The following TENT4A variants were observed in gnomAD, a reference collection of about 807,000 sequenced individuals.
TENT4A encodes the protein terminal nucleotidyltransferase 4A, also known as DNA polymerase kappa.
Under a neutral mutation model 72.8 loss-of-function variants are expected in TENT4A, and 7 were observed. The ratio of observed to expected loss-of-function variants is 0.10; its 90% CI spans 0.05 to 0.18. The LOEUF is 0.18. Among genes scored for constraint, TENT4A ranks in the 10% least tolerant of loss-of-function variants. The pLI, the probability that TENT4A is intolerant of heterozygous loss-of-function variation, is 1.00. For missense variants in TENT4A, 831 were observed against 1,017.7 expected (o/e 0.82, Z 2.50); for synonymous variants, 456 against 434.3 (o/e 1.05, Z -0.62).
chr5:6,728,384 G>C (rs1460182622), intron 1 of TENT4A, among the ~76,000 whole-genome samples: 1 of 152,254 alleles, frequency 6.6e-6, no homozygotes, highest in African/African-American at 2.4e-5. Flanking sequence ...GTGCCTCTGA[G>C]AGCTGGCATG....
chr5:6,714,038 C>T lies in TENT4A; in HGVS notation c.55C>T (p.Leu19=). ...CGAGCAGAAGGGGCCGGCCAATGCCCTGTGGATGCAGATCTGGGAGACCTC... is the reference window on the plus strand; with the variant it reads ...CGAGCAGAAGGGGCCGGCCAATGCCTTGTGGATGCAGATCTGGGAGACCTC... The part of the protein sequence containing the change: ...QPEQKGPANA[L]WMQIWETSQG... The change falls in exon 1 of 13, where the codon CTG becomes TTG. Residue 19 remains leucine (L), a synonymous_variant. Transcript: ENST00000230859. 1.0e-6 allele frequency: 1 copy of T among 990,214 alleles called. No homozygotes were observed. The highest frequency in any genetic ancestry group is 1.2e-6 in the Non-Finnish European group (1 of 833,990). 61.3% of individuals were successfully genotyped at this position (990,214 alleles called of 1,614,324 possible).
At chr5:6,731,542 C>CT (rs375328687) in intron 1 of TENT4A, among the ~76,000 whole-genome samples, 3,407 of 143,850 alleles carry the variant, frequency 0.024, 40 homozygotes, top group Non-Finnish European at 0.031. Context: ...GGTGCTGAAA[C>CT]TTTTTTTTTT....
chr5:6,750,585 C>T, intron 10 of TENT4A, 82 bp downstream of exon 10: 1 of 1,329,766 alleles, frequency 7.5e-7, no homozygotes, highest in Admixed American at 2.5e-5. Flanking sequence ...CTTAAAATCT[C>T]CCCCTTGGTT....
chr5:6,729,560 C>T (rs985503576), intron 1 of TENT4A, among the ~76,000 whole-genome samples: 5 of 152,242 alleles, frequency 3.3e-5, no homozygotes, highest in African/African-American at 7.2e-5. Context: ...GCGGTTCCCT[C>T]GGAGCACCCA....
intron 1 of TENT4A, among the ~76,000 whole-genome samples, chr5:6,735,908 G>A (rs918700850): frequency 5.3e-5 from 8 of 151,996 alleles, no homozygotes; most frequent in African/African-American, 1.7e-4. Flanking sequence ...CTACAAGCAT[G>A]TGCCACCACG....
In TENT4A at chr5:6,751,549, G is replaced by A. The variant is rs137881369; in HGVS notation, c.2019+352G>A. 75 of 211,698 alleles carry A rather than the reference G, an allele frequency of 3.5e-4. 1 individual carries two copies. Among genetic ancestry groups the A allele is most frequent in the African/African-American group, 1.4e-3 (64 of 44,186 alleles). The allele number at this position is 211,698 out of a possible 1,614,324, so 13.1% of individuals were successfully genotyped here. On this transcript the variant is annotated intron_variant, in intron 11 of 12. Coordinates refer to ENST00000230859, the MANE Select transcript of TENT4A (RefSeq NM_006999.6). ...GACCCACTTAGCTGGGCGCCAAGCC[G>A]TGCCAGACACTTGTCCCTACTTCCT...
In TENT4A at chr5:6,755,033, CGCACGTCAGCCGGGCTCGCG is replaced by C; in HGVS notation, c.*94_*113del. The C allele has an allele frequency of 3.3e-6, 4 of 1,220,332 alleles. No homozygotes were observed. Among genetic ancestry groups the C allele is most frequent in the Non-Finnish European group, 4.4e-6 (4 of 907,238 alleles). 75.6% of individuals were successfully genotyped at this position (1,220,332 alleles called of 1,614,324 possible). A position where few individuals can be genotyped will look rare whatever the true frequency, so the allele number is the denominator to read the frequency against. On this transcript the variant is annotated 3_prime_UTR_variant, in exon 13 of 13. Coordinates refer to ENST00000230859, the MANE Select transcript of TENT4A (RefSeq NM_006999.6). ...GGCAGGGGAACCGAGACCAGCACCC[CGCACGTCAGCCGGGCTCGCG>C]GCACGCCCGCCGCTGATCACTCTGC... is the stretch of plus-strand genomic sequence containing the variant.
At position 6,754,858 on chromosome 5, in the gene TENT4A, G is replaced by A. The variant is rs1235773741; in HGVS notation, c.2292G>A (p.Arg764=). The change falls in exon 13 of 13, where the codon AGG becomes AGA. Residue 764 remains arginine (R), a synonymous_variant. Transcript: ENST00000230859. ...SGGVRPPVGN[R]GHHQYNRTGW... is the part of the protein sequence containing the mutation. The stretch of plus-strand genomic sequence containing the variant: ...GTGTGCGGCCCCCTGTGGGCAACAG[G>A]GGACACCACCAGTATAACCGCACCG... 5 of 1,610,322 alleles carry A rather than the reference G, an allele frequency of 3.1e-6. No individual in the cohort carries two copies. In the South Asian group the frequency reaches 5.5e-5, roughly 18 times the overall value.
At chr5:6,723,263 A>G (rs1740748062) in intron 1 of TENT4A, among the ~76,000 whole-genome samples, 1 of 135,442 alleles carries the variant, frequency 7.4e-6, no homozygotes, top group Non-Finnish European at 1.6e-5. Flanking sequence ...ACATGGAGCA[A>G]CTGTTATGAC....
rs1455637212 is a variant in TENT4A at position 6,755,269 on chromosome 5, T to G, written c.*324T>G. The G allele has an allele frequency of 4.3e-6, 1 of 234,820 alleles. No homozygotes were observed. The highest frequency in any genetic ancestry group is 8.2e-6 in the Non-Finnish European group (1 of 121,678). 14.5% of individuals were successfully genotyped at this position (234,820 alleles called of 1,614,324 possible). ...GGTTTGAGGTAGCCGTGTCTGTTCCTTCGCGGTTTGCTATTTTCATTTCCT... is the reference window on the plus strand; with the variant it reads ...GGTTTGAGGTAGCCGTGTCTGTTCCGTCGCGGTTTGCTATTTTCATTTCCT... On this transcript the variant is annotated 3_prime_UTR_variant, in exon 13 of 13. Coordinates refer to ENST00000230859, the MANE Select transcript of TENT4A (RefSeq NM_006999.6).
chr5:6,745,509 A>C (rs1289599079), intron 6 of TENT4A, among the ~76,000 whole-genome samples: 1 of 152,186 alleles, frequency 6.6e-6, no homozygotes, highest in Non-Finnish European at 1.5e-5. Flanking sequence ...TGAGAGCAAC[A>C]AGCTGGATTT....
At chr5:6,723,345 G>C (rs1740753010) in intron 1 of TENT4A, among the ~76,000 whole-genome samples, 1 of 152,204 alleles carries the variant, frequency 6.6e-6, no homozygotes, top group African/African-American at 2.4e-5. Flanking sequence ...TGATGGTGCA[G>C]ACGGTCACTT....
chr5:6,755,760 G>A lies in TENT4A; in HGVS notation c.*815G>A, dbSNP rs1421620236. 6.6e-6 allele frequency: 1 copy of A among 152,270 alleles called. No individual in the cohort carries two copies. Among genetic ancestry groups the A allele is most frequent in the African/African-American group, 2.4e-5 (1 of 41,474 alleles). The allele number at this position is 152,270 out of a possible 1,614,324, so 9.4% of individuals were successfully genotyped here. A position where few individuals can be genotyped will look rare whatever the true frequency, so the allele number is the denominator to read the frequency against. ...CCCTGCTGTCGGGCCCCAGGCCGTT[G>A]TCCTGCTCTGACCACAGAGTTTTAA... On this transcript the variant is annotated 3_prime_UTR_variant, in exon 13 of 13. Transcript: ENST00000230859.
At chr5:6,748,215 G>A (rs974615401) in intron 7 of TENT4A, among the ~76,000 whole-genome samples, 3 of 152,246 alleles carry the variant, frequency 2.0e-5, no homozygotes, top group African/African-American at 4.8e-5. Context: ...GAGCACAGGG[G>A]CACTGATGAT....
rs140347546 is a variant in TENT4A at position 6,751,167 on chromosome 5, C to G, written c.1989C>G (p.Ser663=). 6.2e-7 allele frequency: 1 copy of G among 1,614,250 alleles called. No homozygotes were observed. ...GTGGCAAACCTCAGCCCACCACTTC[C>G]AGAACACTGATCATGACAACCAACA... ...MPSGKPQPTT[S]RTLIMTTNNQ... Residue 663 remains serine (S), a synonymous_variant, in exon 11 of 13, where the codon TCC becomes TCG. Transcript: ENST00000230859.
intron 1 of TENT4A, among the ~76,000 whole-genome samples, chr5:6,717,983 C>G (rs764943302): frequency 5.3e-5 from 8 of 152,232 alleles, no homozygotes; most frequent in Non-Finnish European, 1.0e-4. Flanking sequence ...TGAACGAGGA[C>G]ACATGCAGGT....
At chr5:6,735,530 A>C (rs1741435421) in intron 1 of TENT4A, among the ~76,000 whole-genome samples, 1 of 152,156 alleles carries the variant, frequency 6.6e-6, no homozygotes, top group East Asian at 1.9e-4. Flanking sequence ...TGCTTACATT[A>C]CTAAGTGGTA....
At chr5:6,732,143 G>A (rs560170786) in intron 1 of TENT4A, among the ~76,000 whole-genome samples, 1 of 152,336 alleles carries the variant, frequency 6.6e-6, no homozygotes, top group Non-Finnish European at 1.5e-5. Context: ...TGAGATGGGG[G>A]AGGAGCCAGC....
Position 6,737,648 on chromosome 5 carries a change from T to C in TENT4A, c.840+15T>C, listed in dbSNP as rs954616223. 6.2e-7 allele frequency: 1 copy of C among 1,611,602 alleles called. No individual in the cohort carries two copies. The highest frequency in any genetic ancestry group is 1.3e-5 in the African/African-American group (1 of 74,814). On this transcript the variant is annotated intron_variant, in intron 2 of 12. Transcript: ENST00000230859. Reference sequence around the variant, plus strand: ...CGACGGCTGATGTGAGTATGTTCTTTGGAGTTCTGTGTCGCACGTCACGTG... The same window carrying C: ...CGACGGCTGATGTGAGTATGTTCTTCGGAGTTCTGTGTCGCACGTCACGTG...
Sources: allele counts gnomAD v4.1 joint callset (sites outside exome capture counted in the v4.1 genomes callset), GRCh38; gene constraint gnomAD v4.1.1; transcripts MANE v1.5; gene names NCBI Gene and HGNC (gene_info 2026-07-23, HGNC 2026-07-21).